The following SGCD variants were observed in gnomAD, a reference collection of about 807,000 sequenced individuals.
The protein encoded by SGCD is delta-sarcoglycan.
SGCD carries 18 observed loss-of-function variants against 36.6 expected under a neutral mutation model. The observed-to-expected ratio is 0.49, with a 90% CI of 0.34 to 0.73. The LOEUF is 0.73. Ranked by LOEUF, SGCD falls within the 30% of genes least tolerant of loss-of-function variation. SGCD has a pLI of 0.01. For missense variants in SGCD, 387 were observed against 346.7 expected (o/e 1.12, Z -0.92); for synonymous variants, 133 against 130.6 (o/e 1.02, Z -0.12).
chr5:155,829,459 A>G, the SGCD span, among the ~76,000 whole-genome samples: 1 of 152,184 alleles, frequency 6.6e-6, no homozygotes, highest in Non-Finnish European at 1.5e-5. Context: ...CTCTCATCTC[A>G]AAGCCTTCAC....
intron 4 of SGCD, among the ~76,000 whole-genome samples, chr5:156,524,217 T>C (rs949426762): frequency 2.9e-5 from 4 of 136,506 alleles, no homozygotes; most frequent in African/African-American, 1.1e-4. Context: ...TAGGTCTTTA[T>C]ATATATAAAG....
chr5:156,310,792 A>C (rs527965464), intron 3 of SGCD, among the ~76,000 whole-genome samples: 7 of 152,338 alleles, frequency 4.6e-5, no homozygotes, highest in African/African-American at 1.7e-4. Context: ...AAAGAGAGAG[A>C]GAGAGACAAT....
At chr5:156,360,020 T>A (rs1561643884) in intron 3 of SGCD, among the ~76,000 whole-genome samples, 1 of 152,138 alleles carries the variant, frequency 6.6e-6, no homozygotes, top group Admixed American at 6.5e-5. Context: ...GTTGCCCTGA[T>A]CCCATAGTGC....
intron 3 of SGCD, among the ~76,000 whole-genome samples, chr5:156,235,352 G>A (rs139639713): frequency 4.6e-5 from 7 of 152,264 alleles, no homozygotes; most frequent in South Asian, 2.1e-4. Context: ...CAAGGATAAA[G>A]GAAATGAGCA....
intron 3 of SGCD, among the ~76,000 whole-genome samples, chr5:156,487,788 C>CAAAAAA (rs56006984): frequency 2.4e-5 from 1 of 41,388 alleles, no homozygotes; most frequent in African/African-American, 6.0e-5. Flanking sequence ...ACTCTGTCAC[C>CAAAAAA]AAAAAAAAAA....
chr5:156,548,896 A>C (rs1473726141), intron 4 of SGCD, among the ~76,000 whole-genome samples: 1 of 152,152 alleles, frequency 6.6e-6, no homozygotes, highest in Non-Finnish European at 1.5e-5. Flanking sequence ...TGAGAACATT[A>C]AATAATGTTC....
At chr5:156,576,079 C>T (rs965101956) in intron 4 of SGCD, among the ~76,000 whole-genome samples, 1 of 152,010 alleles carries the variant, frequency 6.6e-6, no homozygotes, top group Non-Finnish European at 1.5e-5. Flanking sequence ...CCCCCTGCCC[C>T]CCACCCCACA....
chr5:156,202,494 C>A (rs1385108539), intron 3 of SGCD, among the ~76,000 whole-genome samples: 1 of 152,094 alleles, frequency 6.6e-6, no homozygotes, highest in Non-Finnish European at 1.5e-5. Flanking sequence ...GTTTTTAGCA[C>A]TGAGATTTCT....
chr5:156,629,016 G>A (rs545767945), intron 6 of SGCD, among the ~76,000 whole-genome samples: 7 of 152,164 alleles, frequency 4.6e-5, no homozygotes, highest in African/African-American at 9.7e-5. Flanking sequence ...TTAAGTTCTC[G>A]ATAAGTGTAA....
At chr5:156,492,282 A>G (rs1040822671) in intron 3 of SGCD, among the ~76,000 whole-genome samples, 2 of 152,172 alleles carry the variant, frequency 1.3e-5, no homozygotes, top group African/African-American at 2.4e-5. Flanking sequence ...CATAGAATAC[A>G]TATGTGTATG....
intron 3 of SGCD, among the ~76,000 whole-genome samples, chr5:156,415,068 T>TA: frequency 6.6e-6 from 1 of 152,290 alleles, no homozygotes; most frequent in Admixed American, 6.5e-5. Flanking sequence ...AGAGTATAGT[T>TA]ACCATCAGTG....
chr5:156,503,976 G>A (rs980792314), intron 3 of SGCD, among the ~76,000 whole-genome samples: 2 of 152,078 alleles, frequency 1.3e-5, no homozygotes, highest in Non-Finnish European at 2.9e-5. Context: ...GGCTGAGGCA[G>A]GTGGATCACC....
At chr5:156,083,012 T>C (rs565753609) in intron 1 of SGCD, among the ~76,000 whole-genome samples, 1 of 152,170 alleles carries the variant, frequency 6.6e-6, no homozygotes, top group Non-Finnish European at 1.5e-5. Context: ...ATTTTCCTAA[T>C]GGCTAATGAT....
chr5:156,468,838 A>G (rs1754829081), intron 3 of SGCD, among the ~76,000 whole-genome samples: 1 of 152,146 alleles, frequency 6.6e-6, no homozygotes. Flanking sequence ...CTAATAATAA[A>G]AAAACTAGCC....
intron 3 of SGCD, among the ~76,000 whole-genome samples, chr5:156,423,496 A>T (rs1464887757): frequency 7.1e-6 from 1 of 141,336 alleles, no homozygotes; most frequent in African/African-American, 2.6e-5. Flanking sequence ...TAAATTGGCA[A>T]AGGGTACAGG....
Position 156,544,147 on chromosome 5 carries a change from T to C in SGCD, c.294+35445T>C, listed in dbSNP as rs138430542. On this transcript the variant is annotated intron_variant, in intron 4 of 8. Coordinates refer to ENST00000337851, the MANE Select transcript of SGCD (RefSeq NM_000337.6). Reference sequence around the variant, plus strand: ...GCAATATCCCTTAGTCTAGGTGATATTAGCAAGCATATCAAAGATAGGCAA... The same window carrying C: ...GCAATATCCCTTAGTCTAGGTGATACTAGCAAGCATATCAAAGATAGGCAA... 9.7e-3 allele frequency among the ~76,000 whole-genome samples: 1,474 copies of C among 152,328 alleles called. 18 individuals carry two copies. The highest frequency in any genetic ancestry group is 0.019 in the Admixed American group (292 of 15,304).
chr5:156,465,535 T>C (rs1754684931), intron 3 of SGCD, among the ~76,000 whole-genome samples: 1 of 152,164 alleles, frequency 6.6e-6, no homozygotes, highest in South Asian at 2.1e-4. Flanking sequence ...TTTGTTTCCT[T>C]TGGTAACTCT....
chr5:155,826,823 C>T, the SGCD span, among the ~76,000 whole-genome samples: 1 of 152,182 alleles, frequency 6.6e-6, no homozygotes, highest in Admixed American at 6.5e-5. Context: ...AGAATCTTTG[C>T]TGAATGAATG....
At chr5:156,183,537 A>G (rs1360746525) in intron 3 of SGCD, among the ~76,000 whole-genome samples, 1 of 152,086 alleles carries the variant, frequency 6.6e-6, no homozygotes, top group African/African-American at 2.4e-5. Flanking sequence ...CCTCCCAAGT[A>G]GCTAGGATTA....
Sources: gnomAD v4.1 joint callset for allele counts (sites outside exome capture counted in the v4.1 genomes callset) on GRCh38, gnomAD v4.1.1 for gene constraint, MANE v1.5 for transcripts, NCBI Gene and HGNC (gene_info 2026-07-23, HGNC 2026-07-21) for gene names.